RBFOX1: variants seen among roughly 807,000 people sequenced by gnomAD.
RBFOX1 encodes the protein RNA binding fox-1 homolog 1, also known as RNA binding protein fox-1 homolog 1.
RBFOX1 carries 8 observed loss-of-function variants against 57.7 expected under a neutral mutation model. That is an observed-to-expected ratio of 0.14 (90% CI 0.08 to 0.25). The LOEUF (loss-of-function observed/expected upper bound fraction) is 0.25, where lower values mean the gene tolerates loss of function less well. Ranked by LOEUF, RBFOX1 falls within the 10% of genes least tolerant of loss-of-function variation. The pLI, the probability that RBFOX1 is intolerant of heterozygous loss-of-function variation, is 1.00. For missense variants in RBFOX1, 611 were observed against 548.5 expected, an observed-to-expected ratio of 1.11 and a Z score of -1.14; for synonymous variants, 326 against 222.4, an observed-to-expected ratio of 1.47 and a Z score of -4.15.
At chr16:6,083,203 A>G (rs891480176) in intron 1 of RBFOX1, among the ~76,000 whole-genome samples, 2 of 152,090 alleles carry the variant, frequency 1.3e-5, no homozygotes, top group African/African-American at 4.8e-5. Context: ...GGGTTTCACC[A>G]TGATGGCCAA....
intron 4 of RBFOX1, among the ~76,000 whole-genome samples, chr16:7,107,540 G>A (rs1289521414): frequency 1.3e-5 from 2 of 151,990 alleles, no homozygotes; most frequent in Non-Finnish European, 2.9e-5. Flanking sequence ...TGACTTCTGT[G>A]CATACCTGAC....
chr16:5,857,651 T>C (rs7190428), intron 3 of RBFOX1, among the ~76,000 whole-genome samples: 111 of 152,190 alleles, frequency 7.3e-4, no homozygotes, highest in African/African-American at 2.6e-3. Context: ...ACCTATTTTT[T>C]CCATTATAGA....
At chr16:5,563,295 C>A (rs2045951267) in intron 2 of RBFOX1, among the ~76,000 whole-genome samples, 1 of 152,180 alleles carries the variant, frequency 6.6e-6, no homozygotes, top group Non-Finnish European at 1.5e-5. Context: ...ATGTTCATTT[C>A]CATTTCCATT....
chr16:6,243,584 T>C lies in RBFOX1; in HGVS notation c.-126-73411T>C, dbSNP rs74005033. Among the ~76,000 whole-genome samples, 275 of 152,328 alleles carry C rather than the reference T, an allele frequency of 1.8e-3. 2 individuals carry two copies. Among genetic ancestry groups the C allele is most frequent in the African/African-American group, 4.8e-3 (199 of 41,578 alleles). On this transcript the variant is annotated intron_variant, in intron 1 of 15. Coordinates refer to ENST00000550418, the MANE Select transcript of RBFOX1 (RefSeq NM_018723.4). ...AGCAGGGTATCATGTCCTCTAATCA[T>C]GGTCCGTATAGACTCGGGTCAGGTG...
intron 1 of RBFOX1, among the ~76,000 whole-genome samples, chr16:5,445,653 A>G (rs11642567): frequency 0.025 from 3,800 of 152,274 alleles, 54 homozygotes; most frequent in Middle Eastern, 0.044. Context: ...TTTCTGTAGC[A>G]TCATCTGAGT....
chr16:5,340,987 C>T (rs2065019470), intron 1 of RBFOX1, among the ~76,000 whole-genome samples: 1 of 152,088 alleles, frequency 6.6e-6, no homozygotes, highest in African/African-American at 2.4e-5. Context: ...TAAGCAGTGA[C>T]CTGTGTGATA....
At chr16:5,621,967 G>A (rs986393616) in intron 3 of RBFOX1, among the ~76,000 whole-genome samples, 2 of 152,190 alleles carry the variant, frequency 1.3e-5, no homozygotes, top group African/African-American at 4.8e-5. Flanking sequence ...GGAAGAATGA[G>A]GTTCTTGTAA....
chr16:6,785,035 A>G (rs1279698254), intron 3 of RBFOX1, among the ~76,000 whole-genome samples: 1 of 152,180 alleles, frequency 6.6e-6, no homozygotes, highest in Non-Finnish European at 1.5e-5. Context: ...GAGTGAAAAA[A>G]AATAGGCATT....
chr16:5,472,561 C>T (rs767235354), intron 2 of RBFOX1, among the ~76,000 whole-genome samples: 2 of 152,094 alleles, frequency 1.3e-5, no homozygotes, highest in Non-Finnish European at 2.9e-5. Flanking sequence ...CGTGTGCATG[C>T]TGGAATGAAA....
chr16:7,410,576 C>A (rs866529960), intron 4 of RBFOX1, among the ~76,000 whole-genome samples: 1 of 152,128 alleles, frequency 6.6e-6, no homozygotes. Flanking sequence ...AGTAAGGAGG[C>A]TGAGGCAGCA....
chr16:5,968,849 A>G (rs1473662099), intron 4 of RBFOX1, among the ~76,000 whole-genome samples: 6 of 151,952 alleles, frequency 3.9e-5, no homozygotes, highest in African/African-American at 1.4e-4. Context: ...TATTTTACCC[A>G]TCTTTAAAAT....
chr16:7,544,001 A>G (rs2009063), intron 5 of RBFOX1, among the ~76,000 whole-genome samples: 144,554 of 152,324 alleles, frequency 0.95, 68,892 homozygotes, highest in Non-Finnish European at 0.99. Flanking sequence ...TTATAGGCGT[A>G]AGCCACCACT....
chr16:7,367,202 A>G (rs28626024), intron 4 of RBFOX1, among the ~76,000 whole-genome samples: 133,041 of 152,130 alleles, frequency 0.87, 58,478 homozygotes, highest in East Asian at 1. Flanking sequence ...TGAGGCCCCC[A>G]CCCCCATCTT....
intron 11 of RBFOX1, among the ~76,000 whole-genome samples, chr16:7,633,852 C>T (rs1042108401): frequency 6.6e-6 from 1 of 152,130 alleles, no homozygotes; most frequent in Non-Finnish European, 1.5e-5. Flanking sequence ...GCTTTTTGGT[C>T]TAGGCTGTTT....
intron 4 of RBFOX1, among the ~76,000 whole-genome samples, chr16:5,907,044 G>T (rs1203019114): frequency 6.6e-6 from 1 of 151,984 alleles, no homozygotes; most frequent in Non-Finnish European, 1.5e-5. Flanking sequence ...GCCCATCTGG[G>T]GGATTTTAAA....
At chr16:5,481,701 C>T (rs1214963758) in intron 2 of RBFOX1, among the ~76,000 whole-genome samples, 2 of 152,152 alleles carry the variant, frequency 1.3e-5, no homozygotes, top group Non-Finnish European at 2.9e-5. Context: ...TACCACAGCC[C>T]GTGTGGCTTA....
At position 6,117,281 on chromosome 16, in the gene RBFOX1, G is replaced by A. The variant is rs114737317; in HGVS notation, c.-127+97289G>A. 6.9e-3 allele frequency among the ~76,000 whole-genome samples: 1,044 copies of A among 151,436 alleles called. 12 individuals are homozygous for A. Among genetic ancestry groups the A allele is most frequent in the African/African-American group, 0.024 (977 of 41,098 alleles). On this transcript the variant is annotated intron_variant, in intron 1 of 15. Coordinates refer to ENST00000550418, the MANE Select transcript of RBFOX1 (RefSeq NM_018723.4). ...GGACATGTTTGGAAGTATGCTAAACGTACAAAAAAAAATATGCATGACAAT... is the reference window on the plus strand; with the variant it reads ...GGACATGTTTGGAAGTATGCTAAACATACAAAAAAAAATATGCATGACAAT...
At chr16:6,809,885 T>G (rs1405859964) in intron 3 of RBFOX1, among the ~76,000 whole-genome samples, 1 of 152,108 alleles carries the variant, frequency 6.6e-6, no homozygotes, top group Non-Finnish European at 1.5e-5. Flanking sequence ...AGTTATGAAA[T>G]TGGAGAGAGT....
At chr16:7,390,770 A>G (rs1267194954) in intron 4 of RBFOX1, among the ~76,000 whole-genome samples, 1 of 152,200 alleles carries the variant, frequency 6.6e-6, no homozygotes, top group African/African-American at 2.4e-5. Flanking sequence ...TAGGACAGAA[A>G]GAGACTATTT....
Sources: allele counts gnomAD v4.1 joint callset (sites outside exome capture counted in the v4.1 genomes callset), GRCh38; gene constraint gnomAD v4.1.1; transcripts MANE v1.5; gene names NCBI Gene and HGNC (gene_info 2026-07-23, HGNC 2026-07-21).